RBFOX1: variants seen among roughly 807,000 people sequenced by gnomAD.
The protein encoded by RBFOX1 is RNA binding protein fox-1 homolog 1.
Under a neutral mutation model 57.7 loss-of-function variants are expected in RBFOX1, and 8 were observed. That is an observed-to-expected ratio of 0.14 (90% CI 0.08 to 0.25). RBFOX1 has a LOEUF of 0.25. RBFOX1 is among the 10% of genes least tolerant of loss of function. The pLI, the probability that RBFOX1 is intolerant of heterozygous loss-of-function variation, is 1.00. For synonymous variants in RBFOX1, 326 were observed against 222.4 expected (o/e 1.47, Z -4.15); for missense variants, 611 against 548.5 (o/e 1.11, Z -1.14).
At chr16:6,057,784 C>G (rs544893188) in intron 1 of RBFOX1, among the ~76,000 whole-genome samples, 166 of 150,916 alleles carry the variant, frequency 1.1e-3, no homozygotes, top group African/African-American at 4.0e-3. Context: ...GCCAAGCCCC[C>G]ACCCCTGGCA....
chr16:7,690,419 A>G (rs1267051282), intron 14 of RBFOX1, among the ~76,000 whole-genome samples: 2 of 152,170 alleles, frequency 1.3e-5, no homozygotes, highest in African/African-American at 4.8e-5. Context: ...AGAAATTTTT[A>G]GAAGTGCACC....
chr16:6,759,556 T>G (rs2076314662), intron 3 of RBFOX1, among the ~76,000 whole-genome samples: 1 of 151,902 alleles, frequency 6.6e-6, no homozygotes, highest in Non-Finnish European at 1.5e-5. Flanking sequence ...CAGTTGCTGT[T>G]GTTTTCATTG....
chr16:7,187,465 T>A (rs12931814), intron 4 of RBFOX1, among the ~76,000 whole-genome samples: 37 of 150,468 alleles, frequency 2.5e-4, no homozygotes, highest in Admixed American at 2.6e-4. Flanking sequence ...CAAGGCGGGC[T>A]AATCACGAGA....
chr16:5,740,956 G>C (rs770163169), intron 3 of RBFOX1, among the ~76,000 whole-genome samples: 1 of 152,094 alleles, frequency 6.6e-6, no homozygotes, highest in Non-Finnish European at 1.5e-5. Flanking sequence ...AGTTGGAGTG[G>C]GATCATGAGG....
intron 3 of RBFOX1, among the ~76,000 whole-genome samples, chr16:6,690,592 C>T (rs894850302): frequency 2.6e-5 from 4 of 151,884 alleles, no homozygotes; most frequent in Non-Finnish European, 5.9e-5. Context: ...TCTTATGTAT[C>T]ATTATTTAGT....
intron 4 of RBFOX1, among the ~76,000 whole-genome samples, chr16:7,310,677 T>C (rs949898083): frequency 3.3e-5 from 5 of 152,204 alleles, no homozygotes; most frequent in African/African-American, 1.2e-4. Flanking sequence ...AACTTACATA[T>C]TAAACATAGA....
At chr16:7,490,905 G>A (rs1338817007) in intron 4 of RBFOX1, among the ~76,000 whole-genome samples, 1 of 152,114 alleles carries the variant, frequency 6.6e-6, no homozygotes, top group African/African-American at 2.4e-5. Flanking sequence ...TCAGCCTAAG[G>A]ATACATAGAT....
At chr16:6,909,208 C>A (rs906126653) in intron 3 of RBFOX1, among the ~76,000 whole-genome samples, 3 of 152,128 alleles carry the variant, frequency 2.0e-5, no homozygotes, top group Non-Finnish European at 4.4e-5. Context: ...CTCCCTTTGC[C>A]GGTTTCTAGA....
In RBFOX1 at chr16:7,699,465, T is replaced by C. The variant is rs2079931664; in HGVS notation, c.996-9591T>C. Reference sequence around the variant, plus strand: ...CTTTGGCCTACCAAAGTCCTGCGAGTACAGGCACGGGCCCACCACACCCAG... The same window carrying C: ...CTTTGGCCTACCAAAGTCCTGCGAGCACAGGCACGGGCCCACCACACCCAG... On this transcript the variant is annotated intron_variant, in intron 14 of 15. Transcript: ENST00000550418. 2.6e-5 allele frequency among the ~76,000 whole-genome samples: 4 copies of C among 152,068 alleles called. No homozygotes were observed. The South Asian group carries it at 8.3e-4, about 31-fold the overall frequency.
chr16:7,709,655 T>TTG, intron 15 of RBFOX1: 1 of 1,519,902 alleles, frequency 6.6e-7, no homozygotes, highest in Non-Finnish European at 8.8e-7. Context: ...GGGGCACACT[T>TTG]TGTGTGTGTA....
chr16:7,643,101 G>A (rs1235878722), intron 11 of RBFOX1, among the ~76,000 whole-genome samples: 3 of 152,186 alleles, frequency 2.0e-5, no homozygotes, highest in Non-Finnish European at 4.4e-5. Context: ...ACTTTGGGAG[G>A]TAAGCAGGAA....
intron 1 of RBFOX1, among the ~76,000 whole-genome samples, chr16:6,025,107 A>G (rs1481235537): frequency 1.3e-5 from 2 of 152,202 alleles, no homozygotes; most frequent in Non-Finnish European, 2.9e-5. Context: ...ATACCAGGAT[A>G]TATTTATGTC....
At chr16:6,164,937 G>A (rs1251040603) in intron 1 of RBFOX1, among the ~76,000 whole-genome samples, 1 of 152,088 alleles carries the variant, frequency 6.6e-6, no homozygotes, top group African/African-American at 2.4e-5. Context: ...GTAAAGTTTG[G>A]GGGGAAAGTG....
chr16:7,224,351 C>T (rs2092954579), intron 4 of RBFOX1, among the ~76,000 whole-genome samples: 1 of 152,234 alleles, frequency 6.6e-6, no homozygotes, highest in East Asian at 1.9e-4. Context: ...TACCAAAAGC[C>T]ATTTTCAGTC....
At chr16:7,027,589 A>T (rs8057677) in intron 3 of RBFOX1, among the ~76,000 whole-genome samples, 94,861 of 151,728 alleles carry the variant, frequency 0.63, 30,774 homozygotes, top group Non-Finnish European at 0.7. Context: ...TGTACTTAGA[A>T]ATACCCAGCC....
At chr16:6,498,908 G>C (rs1376630124) in intron 2 of RBFOX1, among the ~76,000 whole-genome samples, 1 of 152,106 alleles carries the variant, frequency 6.6e-6, no homozygotes, top group Non-Finnish European at 1.5e-5. Context: ...ACCTTCTATA[G>C]GCTTATACGG....
chr16:6,207,898 AGTGATGAAATTTTAAAAT>A (rs2152842252), intron 1 of RBFOX1, among the ~76,000 whole-genome samples: 1 of 152,154 alleles, frequency 6.6e-6, no homozygotes, highest in East Asian at 1.9e-4. Flanking sequence ...GCCTAGGCTG[AGTGATGAAATTTTAAAAT>A]GTGACTCCAA....
intron 3 of RBFOX1, among the ~76,000 whole-genome samples, chr16:6,786,650 G>C (rs62016107): frequency 0.15 from 22,338 of 152,102 alleles, 2,268 homozygotes; most frequent in African/African-American, 0.29. Flanking sequence ...TGCTCTGTGC[G>C]CATTTAGAGG....
chr16:6,852,778 A>C (rs1366480417), intron 3 of RBFOX1, among the ~76,000 whole-genome samples: 2 of 151,650 alleles, frequency 1.3e-5, no homozygotes. Context: ...TGTCTGGGAG[A>C]GGTACATGCT....
Sources: allele counts gnomAD v4.1 joint callset (sites outside exome capture counted in the v4.1 genomes callset), GRCh38; gene constraint gnomAD v4.1.1; transcripts MANE v1.5; gene names NCBI Gene and HGNC (gene_info 2026-07-23, HGNC 2026-07-21).